POU6F1: variants seen among roughly 807,000 people sequenced by gnomAD.
POU6F1 encodes POU class 6 homeobox 1.
A neutral mutation model predicts 28.9 loss-of-function variants in POU6F1; 9 were observed. The ratio of observed to expected loss-of-function variants is 0.31; its 90% CI spans 0.19 to 0.54. The LOEUF (loss-of-function observed/expected upper bound fraction) is 0.54. POU6F1 is among the 20% of genes least tolerant of loss of function. The pLI is 0.94. For missense variants in POU6F1, 338 were observed against 426.1 expected (o/e 0.79, Z 1.82); for synonymous variants, 173 against 171.1 (o/e 1.01, Z -0.09).
Position 51,190,566 on chromosome 12 carries a change from T to C in POU6F1, c.1517A>G (p.Lys506Arg), listed in dbSNP as rs1453270406. Residue 506 changes from lysine to arginine, a missense_variant, in exon 11 of 11, where the codon AAG (lysine) becomes AGG (arginine). By Grantham distance (26) the Lys-to-Arg change is conservative. Coordinates refer to ENST00000333640, the MANE Select transcript of POU6F1 (RefSeq NM_001330422.2). The surrounding 1 kb of genome is among the most constrained non-coding windows in gnomAD (Gnocchi z 4.5). ...CACCGGCTTTAGCTTCTGGGCACTC[T>C]TGGGTGTGATGTCTAGCTTCTCGAA... ...CRFEKLDITP[K>R]SAQKLKPVLE... The C allele has an allele frequency of 6.2e-7, 1 of 1,613,904 alleles. No homozygotes were observed.
At position 51,190,067 on chromosome 12, in the gene POU6F1, T is replaced by C; in HGVS notation, c.*180A>G. ...CGTGTGGCCCCCTCTGGCCTCCCCA[T>C]GATGTGAGATGTGTGGGAGAAAAGA... On this transcript the variant is annotated 3_prime_UTR_variant, in exon 11 of 11. Coordinates refer to ENST00000333640, the MANE Select transcript of POU6F1 (RefSeq NM_001330422.2). The surrounding 1 kb of genome is among the most constrained non-coding windows in gnomAD (Gnocchi z 4.5). The C allele has an allele frequency of 1.7e-6, 2 of 1,178,494 alleles. No individual in the cohort carries two copies. Among genetic ancestry groups the C allele is most frequent in the South Asian group, 3.2e-5 (2 of 61,924 alleles). The allele number at this position is 1,178,494 out of a possible 1,614,324, so 73.0% of individuals were successfully genotyped here. A position where few individuals can be genotyped will look rare whatever the true frequency, so the allele number is the denominator to read the frequency against.
intron 5 of POU6F1, among the ~76,000 whole-genome samples, 192 bp downstream of exon 5, chr12:51,198,358 C>T (rs1428784651): frequency 3.9e-5 from 6 of 152,324 alleles, no homozygotes; most frequent in South Asian, 2.1e-4. Context: ...GCGGGGCCAG[C>T]GTGGCGTCAC....
rs558247260 is a variant in POU6F1, at chr12:51,189,243, T to G, written c.*1004A>C. The G allele has an allele frequency of 1.3e-5, 2 of 152,322 alleles. No individual in the cohort carries two copies. Among genetic ancestry groups the G allele is most frequent in the East Asian group, 3.9e-4 (2 of 5,188 alleles). The allele number at this position is 152,322 out of a possible 1,614,324, so 9.4% of individuals were successfully genotyped here. On this transcript the variant is annotated 3_prime_UTR_variant, in exon 11 of 11. Transcript: ENST00000333640. ...TCCCCCAGGGCCTTGCTGTCTGGTT[T>G]ATTGTTTAATTTGCTCCTTTTGAGA... is the stretch of plus-strand genomic sequence containing the variant.
intron 1 of POU6F1, among the ~76,000 whole-genome samples, chr12:51,211,997 A>G (rs562516859): frequency 3.8e-4 from 58 of 152,238 alleles, no homozygotes; most frequent in African/African-American, 1.4e-3. Flanking sequence ...TATCCCAAAC[A>G]AATCAGAACT....
At chr12:51,209,545 T>C (rs778177703) in intron 1 of POU6F1, among the ~76,000 whole-genome samples, 4 of 152,240 alleles carry the variant, frequency 2.6e-5, no homozygotes, top group Non-Finnish European at 5.9e-5. Context: ...TGGTGGACAT[T>C]TGGGTTGTTC....
Position 51,211,196 on chromosome 12 carries a change from C to T in POU6F1, c.-47-4313G>A, listed in dbSNP as rs540160122. 1.6e-4 allele frequency among the ~76,000 whole-genome samples: 25 copies of T among 152,326 alleles called. No homozygotes were observed. The East Asian group carries it at 4.4e-3, about 27-fold the overall frequency. ...CAGCCTGAAGGCCAGGGAGGAGAGA[C>T]AATCAGCTGTCTGTTTCAAGAGAAG... is the stretch of plus-strand genomic sequence containing the variant. On this transcript the variant is annotated intron_variant, in intron 1 of 10. Transcript: ENST00000333640.
intron 1 of POU6F1, among the ~76,000 whole-genome samples, chr12:51,208,237 A>G (rs7978956): frequency 0.82 from 125,125 of 152,142 alleles, 51,549 homozygotes; most frequent in East Asian, 0.88. Flanking sequence ...CCTGGGAGGC[A>G]GAGGTTGCAG....
intron 8 of POU6F1, among the ~76,000 whole-genome samples, chr12:51,193,700 T>C (rs1942605491): frequency 6.6e-6 from 1 of 152,212 alleles, no homozygotes; most frequent in South Asian, 2.1e-4. Flanking sequence ...TCAAAAGAAG[T>C]TGTCTCTGGA....
At chr12:51,191,969 C>A (rs1355057706) in intron 9 of POU6F1, among the ~76,000 whole-genome samples, 1 of 152,218 alleles carries the variant, frequency 6.6e-6, no homozygotes, top group Non-Finnish European at 1.5e-5. Context: ...GGGTAAGGAG[C>A]TATTTTCAAG....
At chr12:51,194,824 T>C (rs1213838479) in intron 8 of POU6F1, among the ~76,000 whole-genome samples, 1 of 152,146 alleles carries the variant, frequency 6.6e-6, no homozygotes, top group African/African-American at 2.4e-5. Flanking sequence ...ATTCATAACC[T>C]TCTGAAGTTG....
chr12:51,204,117 A>C, intron 3 of POU6F1, 56 bp downstream of exon 3: 1 of 399,012 alleles, frequency 2.5e-6, no homozygotes, highest in Non-Finnish European at 4.4e-6. Context: ...CAGGGACCAC[A>C]GGAGGGACTT....
chr12:51,214,034 T>C (rs1944162476), intron 1 of POU6F1, among the ~76,000 whole-genome samples: 1 of 151,798 alleles, frequency 6.6e-6, no homozygotes, highest in South Asian at 2.1e-4. Context: ...TCTCAGTTAC[T>C]TGGGTAGCTA....
At chr12:51,211,079 C>G (rs918673198) in intron 1 of POU6F1, among the ~76,000 whole-genome samples, 1 of 152,210 alleles carries the variant, frequency 6.6e-6, no homozygotes, top group Non-Finnish European at 1.5e-5. Flanking sequence ...AGACAGCCCT[C>G]TTCAGTTTGC....
intron 1 of POU6F1, among the ~76,000 whole-genome samples, chr12:51,211,607 G>A (rs1172012612): frequency 1.3e-5 from 2 of 152,056 alleles, no homozygotes; most frequent in Admixed American, 1.3e-4. Flanking sequence ...AAATAAACTA[G>A]CCAGGTGTAG....
At position 51,217,230 on chromosome 12, in the gene POU6F1, G is replaced by A. The variant is rs1944333106; in HGVS notation, c.-48+412C>T. Reference sequence around the variant, plus strand: ...CGTCCGTGTTCTCCAGAGAGGCAAGGATCCGCTTCTGGTCGCCACTGGTTC... The same window carrying A: ...CGTCCGTGTTCTCCAGAGAGGCAAGAATCCGCTTCTGGTCGCCACTGGTTC... On this transcript the variant is annotated intron_variant, in intron 1 of 10. Transcript: ENST00000333640. This position sits in a 1 kb window ranked among gnomAD's most constrained non-coding sequence, Gnocchi z 5.3. 6.6e-6 allele frequency among the ~76,000 whole-genome samples: 1 copy of A among 152,196 alleles called. No homozygotes were observed. Among genetic ancestry groups the A allele is most frequent in the African/African-American group, 2.4e-5 (1 of 41,454 alleles).
At position 51,191,627 on chromosome 12, in the gene POU6F1, C is replaced by T. The variant is rs906827988; in HGVS notation, c.1459G>A (p.Gly487Ser). The change falls in exon 10 of 11, where the codon GGT becomes AGT. Residue 487 changes from glycine to serine, a missense_variant. By Grantham distance (56) the Gly-to-Ser change is moderately conservative. Transcript: ENST00000333640. ...QVGQALTATEGPAYSQSAICR... is the reference protein window; with the variant it reads ...QVGQALTATESPAYSQSAICR... ...ATGGCTGACTGGCTGTAGGCTGGAC[C>T]TTCCGTTGCAGTCAGAGCCTGACCC... 3 of 1,613,716 alleles carry T rather than the reference C, an allele frequency of 1.9e-6. No homozygotes were observed. Among genetic ancestry groups the T allele is most frequent in the Non-Finnish European group, 2.5e-6 (3 of 1,180,046 alleles).
rs542842970 is a variant in POU6F1 at position 51,189,480 on chromosome 12, C to G, written c.*767G>C. Reference sequence around the variant, plus strand: ...ACAGCCTTATTTTCTAAATTCCCAACCTTCTGCAGACCCAGGAGAACTCCA... The same window carrying G: ...ACAGCCTTATTTTCTAAATTCCCAAGCTTCTGCAGACCCAGGAGAACTCCA... On this transcript the variant is annotated 3_prime_UTR_variant, in exon 11 of 11. Coordinates refer to ENST00000333640, the MANE Select transcript of POU6F1 (RefSeq NM_001330422.2). The G allele has an allele frequency of 6.6e-6, 1 of 152,316 alleles. No homozygotes were observed. Among genetic ancestry groups the G allele is most frequent in the African/African-American group, 2.4e-5 (1 of 41,564 alleles). 9.4% of individuals were successfully genotyped at this position (152,316 alleles called of 1,614,324 possible).
chr12:51,198,927 A>G (rs1943023910), intron 4 of POU6F1, among the ~76,000 whole-genome samples, 152 bp from the exon 5 acceptor site: 1 of 152,244 alleles, frequency 6.6e-6, no homozygotes, highest in African/African-American at 2.4e-5. Context: ...GGAAGAGCCA[A>G]ACCCTAGCTG....
rs1290004293 is a variant in POU6F1, at chr12:51,217,983, C to T, written c.-389G>A. On this transcript the variant is annotated 5_prime_UTR_variant, in exon 1 of 11. Transcript: ENST00000333640. The surrounding 1 kb of genome is among the most constrained non-coding windows in gnomAD (Gnocchi z 5.3). ...CTTCGTTCCCCCTTCCACGACCCCCCCCTTTTCCCTCCCCCCCTTTTTTCC... is the reference window on the plus strand; with the variant it reads ...CTTCGTTCCCCCTTCCACGACCCCCTCCTTTTCCCTCCCCCCCTTTTTTCC... 6.6e-6 allele frequency among the ~76,000 whole-genome samples: 1 copy of T among 151,942 alleles called. No homozygotes were observed. Among genetic ancestry groups the T allele is most frequent in the Non-Finnish European group, 1.5e-5 (1 of 67,840 alleles).
Sources: gnomAD v4.1 joint callset for allele counts (sites outside exome capture counted in the v4.1 genomes callset) on GRCh38, gnomAD v4.1.1 for gene constraint, Gnocchi (gnomAD v3.1) non-coding constraint, MANE v1.5 for transcripts, NCBI Gene and HGNC (gene_info 2026-07-23, HGNC 2026-07-21) for gene names.